Variants in KAZN observed in about 807,000 individuals in gnomAD.
KAZN encodes the protein kazrin, periplakin interacting protein.
KAZN carries 40 observed loss-of-function variants against 87.4 expected under a neutral mutation model. The observed-to-expected ratio is 0.46, with a 90% CI of 0.36 to 0.60. The LOEUF (loss-of-function observed/expected upper bound fraction) is 0.60. Among genes scored for constraint, KAZN ranks in the 20% least tolerant of loss-of-function variants. The pLI, the probability that KAZN is intolerant of heterozygous loss-of-function variation, is 0.00. For synonymous variants in KAZN, 466 were observed against 458.3 expected (o/e 1.02, Z -0.22); for missense variants, 898 against 1,073.9 (o/e 0.84, Z 2.29).
At position 14,452,010 on chromosome 1, in the gene KAZN, G is replaced by A. The variant is rs114573764; in HGVS notation, c.250-146973G>A. ...GCTGGAGTGCACTGGCTCCGTCCCGGCCCACTGCAGCCTCCGTCTCCTGGA... is the reference window on the plus strand; with the variant it reads ...GCTGGAGTGCACTGGCTCCGTCCCGACCCACTGCAGCCTCCGTCTCCTGGA... On this transcript the variant is annotated intron_variant, in intron 2 of 16. Transcript: ENST00000636203. Among the ~76,000 whole-genome samples, 1,326 of 152,266 alleles carry A rather than the reference G, an allele frequency of 8.7e-3. 17 individuals are homozygous for A. The highest frequency in any genetic ancestry group is 0.03 in the African/African-American group (1,257 of 41,542).
intron 1 of KAZN, among the ~76,000 whole-genome samples, chr1:14,727,235 G>C (rs1643426369): frequency 1.3e-5 from 2 of 152,072 alleles, no homozygotes; most frequent in African/African-American, 4.8e-5. Flanking sequence ...TGCAGATGCG[G>C]AGGAGAACAA....
At chr1:14,995,569 A>G (rs1667777891) in intron 2 of KAZN, among the ~76,000 whole-genome samples, 1 of 151,994 alleles carries the variant, frequency 6.6e-6, no homozygotes, top group South Asian at 2.1e-4. Flanking sequence ...GGTTGCAGTG[A>G]GCCCAGATTG....
chr1:14,700,013 C>G (rs966316239), intron 1 of KAZN, among the ~76,000 whole-genome samples: 2 of 151,994 alleles, frequency 1.3e-5, no homozygotes, highest in South Asian at 2.1e-4. Context: ...AAGTATGGTG[C>G]GTTCAAGGAA....
chr1:14,038,920 C>G (rs1449686525), intron 1 of KAZN, among the ~76,000 whole-genome samples: 1 of 152,108 alleles, frequency 6.6e-6, no homozygotes, highest in Non-Finnish European at 1.5e-5. Context: ...AATCCCAGCA[C>G]TTTGGGAGGC....
chr1:14,085,007 G>A (rs1309901295), intron 1 of KAZN, among the ~76,000 whole-genome samples: 1 of 152,060 alleles, frequency 6.6e-6, no homozygotes, highest in African/African-American at 2.4e-5. Flanking sequence ...AAGATTAAAG[G>A]GATTTCTTGG....
chr1:14,598,871 T>TCGGGGCGCGGGCGAAGC lies in KAZN; in HGVS notation c.-122_-106dup. On this transcript the variant is annotated 5_prime_UTR_variant, in exon 1 of 15. Coordinates refer to ENST00000376030, the MANE Select transcript of KAZN (RefSeq NM_201628.3). The surrounding 1 kb of genome is among the most constrained non-coding windows in gnomAD (Gnocchi z 4.2). ...AACCGGCGCTGCCGGTGCCTGGGGGTCGGGGCGCGGGCGAAGCCGGGCCGC... is the reference window on the plus strand; with the variant it reads ...AACCGGCGCTGCCGGTGCCTGGGGGTCGGGGCGCGGGCGAAGCCGGGGCGCGGGCGAAGCCGGGCCGC... 2 of 1,419,094 alleles carry TCGGGGCGCGGGCGAAGC rather than the reference T, an allele frequency of 1.4e-6. No individual in the cohort carries two copies. The highest frequency in any genetic ancestry group is 1.8e-6 in the Non-Finnish European group (2 of 1,090,528). The allele number at this position is 1,419,094 out of a possible 1,614,324, so 87.9% of individuals were successfully genotyped here.
chr1:14,463,228 A>G (rs888961985), intron 2 of KAZN, among the ~76,000 whole-genome samples: 9 of 152,130 alleles, frequency 5.9e-5, no homozygotes, highest in African/African-American at 2.2e-4. Context: ...GCATTCTTAA[A>G]CTGTCATGGT....
At chr1:14,514,423 T>TAA (rs1671141926) in intron 2 of KAZN, among the ~76,000 whole-genome samples, 1 of 53,986 alleles carries the variant, frequency 1.9e-5, no homozygotes, top group African/African-American at 6.6e-5. Context: ...TAAATATATA[T>TAA]ATAATATATA....
At chr1:13,939,051 C>T (rs973733153) in intron 1 of KAZN, among the ~76,000 whole-genome samples, 16 of 152,346 alleles carry the variant, frequency 1.1e-4, no homozygotes, top group African/African-American at 3.4e-4. Context: ...GGAGTGACTT[C>T]CAGGTCTCTC....
At chr1:14,107,877 A>G (rs975685800) in intron 1 of KAZN, among the ~76,000 whole-genome samples, 1 of 152,134 alleles carries the variant, frequency 6.6e-6, no homozygotes, top group Non-Finnish European at 1.5e-5. Context: ...CAAGAAACCT[A>G]CCTGGCCCAC....
intron 1 of KAZN, among the ~76,000 whole-genome samples, chr1:14,750,449 A>G (rs573048216): frequency 6.6e-6 from 1 of 152,274 alleles, no homozygotes; most frequent in South Asian, 2.1e-4. Context: ...AGGTACGAAC[A>G]CTGAGGCTTC....
Position 14,945,207 on chromosome 1 carries a change from T to C in KAZN, c.227-15477T>C, listed in dbSNP as rs1163668465. ...AGCACCCCTGCAGGCCTCGCAGCTA[T>C]AGATGGTGGAAGTCCAGTGCTGGAG... On this transcript the variant is annotated intron_variant, in intron 1 of 14. Coordinates refer to ENST00000376030, the MANE Select transcript of KAZN (RefSeq NM_201628.3). Among the ~76,000 whole-genome samples the C allele has an allele frequency of 2.0e-5, 3 of 152,204 alleles. No homozygotes were observed. The East Asian group carries it at 5.8e-4, about 29-fold the overall frequency.
chr1:14,624,251 T>C (rs1239501194), intron 1 of KAZN, among the ~76,000 whole-genome samples: 3 of 152,076 alleles, frequency 2.0e-5, no homozygotes, highest in Non-Finnish European at 4.4e-5. Context: ...TGAAACCCTG[T>C]CTCTACTAAA....
intron 1 of KAZN, among the ~76,000 whole-genome samples, chr1:14,808,183 G>A (rs1485438506): frequency 2.0e-5 from 3 of 152,142 alleles, no homozygotes; most frequent in Admixed American, 6.5e-5. Context: ...GAAAGCAAAG[G>A]CGGTGTATGT....
chr1:14,161,939 C>T (rs896847871), intron 1 of KAZN, among the ~76,000 whole-genome samples: 3 of 152,158 alleles, frequency 2.0e-5, no homozygotes, highest in African/African-American at 4.8e-5. Flanking sequence ...CCTTCTCACA[C>T]GAACAGTGGT....
intron 1 of KAZN, among the ~76,000 whole-genome samples, chr1:14,843,783 C>G (rs1199055225): frequency 6.6e-6 from 1 of 152,176 alleles, no homozygotes; most frequent in Non-Finnish European, 1.5e-5. Context: ...ACAGACACTC[C>G]CATGGTTGTC....
chr1:14,911,730 C>T (rs905793253), intron 1 of KAZN, among the ~76,000 whole-genome samples: 4 of 152,164 alleles, frequency 2.6e-5, no homozygotes, highest in African/African-American at 9.7e-5. Flanking sequence ...TCTGGAATCC[C>T]TAGGACAGTT....
At chr1:14,761,400 T>G (rs1644735357) in intron 1 of KAZN, among the ~76,000 whole-genome samples, 1 of 152,214 alleles carries the variant, frequency 6.6e-6, no homozygotes, top group Non-Finnish European at 1.5e-5. Flanking sequence ...GTCACCTGTT[T>G]GGGTTCTGCC....
intron 1 of KAZN, among the ~76,000 whole-genome samples, chr1:14,866,842 C>T (rs1271918134): frequency 1.3e-5 from 2 of 152,232 alleles, no homozygotes; most frequent in African/African-American, 4.8e-5. Flanking sequence ...CATGAGCATC[C>T]GGACACCTAA....
Sources: gnomAD v4.1 joint callset for allele counts (sites outside exome capture counted in the v4.1 genomes callset) on GRCh38, gnomAD v4.1.1 for gene constraint, Gnocchi (gnomAD v3.1) non-coding constraint, MANE v1.5 for transcripts, NCBI Gene and HGNC (gene_info 2026-07-23, HGNC 2026-07-21) for gene names.